The following AOPEP variants were observed in gnomAD, a reference collection of about 807,000 sequenced individuals.
AOPEP encodes the protein aminopeptidase O (putative), also known as aminopeptidase O.
In AOPEP, 77 loss-of-function variants were observed where a neutral mutation model predicts 98.1. The observed-to-expected ratio is 0.78, with a 90% CI of 0.65 to 0.95. The LOEUF (loss-of-function observed/expected upper bound fraction) is 0.95, where lower values mean the gene tolerates loss of function less well. AOPEP is among the 40% of genes least tolerant of loss of function. The pLI, the probability that AOPEP is intolerant of heterozygous loss-of-function variation, is 0.00. For missense variants in AOPEP, 1,024 were observed against 1,024.7 expected (o/e 1.00, Z 0.01); for synonymous variants, 346 against 365.3 (o/e 0.95, Z 0.60).
chr9:94,826,070 G>A (rs1854467045), intron 5 of AOPEP, among the ~76,000 whole-genome samples: 1 of 151,714 alleles, frequency 6.6e-6, no homozygotes, highest in Admixed American at 6.6e-5. Context: ...GTCTTCAAAG[G>A]AAAATACGGT....
intron 1 of AOPEP, among the ~76,000 whole-genome samples, chr9:94,736,070 T>G (rs1831691036): frequency 6.6e-6 from 1 of 152,252 alleles, no homozygotes; most frequent in Non-Finnish European, 1.5e-5. Context: ...CATTCATCAG[T>G]TGATGGTCAT....
intron 1 of AOPEP, among the ~76,000 whole-genome samples, chr9:94,756,146 G>C (rs1416000373): frequency 6.6e-6 from 1 of 151,984 alleles, no homozygotes; most frequent in Non-Finnish European, 1.5e-5. Flanking sequence ...TGTAGTCCCA[G>C]CTACTTGGGA....
intron 1 of AOPEP, among the ~76,000 whole-genome samples, chr9:94,743,173 G>GAA (rs1385752704): frequency 3.0e-5 from 3 of 101,370 alleles, no homozygotes; most frequent in Non-Finnish European, 5.2e-5. Context: ...TATAAAAGAA[G>GAA]AAGAAGAAGA....
intron 5 of AOPEP, among the ~76,000 whole-genome samples, chr9:94,920,652 T>A: frequency 6.6e-6 from 1 of 152,240 alleles, no homozygotes; most frequent in East Asian, 1.9e-4. Context: ...TCCCGAAGGA[T>A]GGGAGCAGCT....
At chr9:95,051,633 G>A (rs2066374629) in intron 13 of AOPEP, among the ~76,000 whole-genome samples, 1 of 151,784 alleles carries the variant, frequency 6.6e-6, no homozygotes, top group Non-Finnish European at 1.5e-5. Context: ...GGCATTTTCA[G>A]TCATTTTACC....
intron 13 of AOPEP, among the ~76,000 whole-genome samples, chr9:95,007,640 A>C (rs1031729305): frequency 1.3e-5 from 2 of 152,214 alleles, no homozygotes; most frequent in African/African-American, 4.8e-5. Flanking sequence ...GAAGGGCTAG[A>C]AGATAGCAAA....
chr9:94,881,541 T>C (rs1564313666), intron 5 of AOPEP, among the ~76,000 whole-genome samples: 1 of 152,112 alleles, frequency 6.6e-6, no homozygotes, highest in Non-Finnish European at 1.5e-5. Context: ...TTTTTCTTGC[T>C]CCAGAGTCCT....
chr9:94,762,965 A>G (rs910887571), intron 2 of AOPEP, among the ~76,000 whole-genome samples: 15 of 152,246 alleles, frequency 9.9e-5, no homozygotes, highest in Non-Finnish European at 2.1e-4. Context: ...CGTGAAAAAC[A>G]TAACTAGCTA....
intron 5 of AOPEP, among the ~76,000 whole-genome samples, chr9:94,905,125 T>C (rs558872757): frequency 1.3e-5 from 2 of 152,342 alleles, no homozygotes; most frequent in Admixed American, 6.5e-5. Flanking sequence ...AGATATCGTA[T>C]TGATGGACAC....
chr9:95,118,323 A>G, the AOPEP span, among the ~76,000 whole-genome samples: 1 of 152,246 alleles, frequency 6.6e-6, no homozygotes, highest in African/African-American at 2.4e-5. Context: ...CTGGCTCAGC[A>G]TGGTTTTTAA....
intron 13 of AOPEP, chr9:95,019,422 G>A (rs989639185): frequency 2.6e-5 from 4 of 152,118 alleles, no homozygotes; most frequent in East Asian, 1.9e-4. Context: ...GCAGTAAGTC[G>A]CTGATTTTGT....
intron 1 of AOPEP, among the ~76,000 whole-genome samples, chr9:94,750,321 C>T (rs1377457945): frequency 6.6e-6 from 1 of 152,208 alleles, no homozygotes. Flanking sequence ...TGCAGTGGCT[C>T]ACGCCTGTAA....
chr9:94,979,354 TTTATTTC>T lies in AOPEP; in HGVS notation c.1917-11_1917-5del, dbSNP rs1564475465. ...TTTTTAATCCTTTACTTTTTGTTGT[TTTATTTC>T]TAAAGGCTTGAGCTGTCTGTTGAAA... is the stretch of plus-strand genomic sequence containing the variant. On this transcript the variant is annotated splice_region_variant and splice_polypyrimidine_tract_variant and intron_variant, in intron 10 of 16. Coordinates refer to ENST00000375315, the MANE Select transcript of AOPEP (RefSeq NM_001193329.3). The T allele has an allele frequency of 1.3e-6, 2 of 1,584,608 alleles. No individual in the cohort carries two copies. The highest frequency in any genetic ancestry group is 1.7e-5 in the Admixed American group (1 of 58,732).
At chr9:94,752,905 C>A (rs1836159368) in intron 1 of AOPEP, among the ~76,000 whole-genome samples, 1 of 152,160 alleles carries the variant, frequency 6.6e-6, no homozygotes, top group Non-Finnish European at 1.5e-5. Context: ...TCAACTGGTA[C>A]TTTGAGATGC....
intron 13 of AOPEP, among the ~76,000 whole-genome samples, chr9:95,039,735 T>C (rs1056455227): frequency 1.6e-4 from 17 of 106,074 alleles, no homozygotes; most frequent in Non-Finnish European, 3.2e-4. Context: ...TAGACATGTT[T>C]CTTCATTCAT....
At chr9:94,779,008 G>C (rs1744675798) in intron 3 of AOPEP, among the ~76,000 whole-genome samples, 1 of 151,546 alleles carries the variant, frequency 6.6e-6, no homozygotes, top group African/African-American at 2.4e-5. Context: ...CAGCGTGGGT[G>C]ACAGAATGAT....
intron 7 of AOPEP, chr9:94,932,017 AACCTCCTCTAG>A: frequency 8.3e-7 from 1 of 1,208,078 alleles, no homozygotes; most frequent in Non-Finnish European, 1.0e-6. Context: ...TAACGTGTCT[AACCTCCTCTAG>A]CTGATAAAGA....
At chr9:94,951,860 C>G (rs1021652999) in intron 7 of AOPEP, among the ~76,000 whole-genome samples, 6 of 152,154 alleles carry the variant, frequency 3.9e-5, no homozygotes, top group Non-Finnish European at 8.8e-5. Flanking sequence ...GGAAGAGGTG[C>G]GGTAGCAGTC....
chr9:95,004,085 A>G, intron 11 of AOPEP: 2 of 366,448 alleles, frequency 5.5e-6, no homozygotes, highest in Non-Finnish European at 5.4e-6. Context: ...TGGAGTAGCA[A>G]TAAAGAGAGG....
Sources: allele counts gnomAD v4.1 joint callset (sites outside exome capture counted in the v4.1 genomes callset), GRCh38; gene constraint gnomAD v4.1.1; transcripts MANE v1.5; gene names NCBI Gene and HGNC (gene_info 2026-07-23, HGNC 2026-07-21).